Variants in ZNF235 observed in about 807,000 individuals in gnomAD.
ZNF235 encodes zfp-93.
A neutral mutation model predicts 29.4 loss-of-function variants in ZNF235; 25 were observed. That is an observed-to-expected ratio of 0.85 (90% CI 0.62 to 1.19). The LOEUF is 1.19. Ranked by LOEUF, ZNF235 falls within the 50% of genes most tolerant of loss-of-function variation. The pLI, the probability that ZNF235 is intolerant of heterozygous loss-of-function variation, is 0.00. For synonymous variants in ZNF235, 300 were observed against 295.3 expected (o/e 1.02, Z -0.16); for missense variants, 788 against 885.0 (o/e 0.89, Z 1.39).
At chr19:44,291,863 A>G (rs1301444356) in intron 4 of ZNF235, among the ~76,000 whole-genome samples, 1 of 152,146 alleles carries the variant, frequency 6.6e-6, no homozygotes, top group African/African-American at 2.4e-5. Context: ...ACTCTTCCAG[A>G]AAAATGAAAA....
At chr19:44,293,759 C>A (rs2123096889) in intron 4 of ZNF235, among the ~76,000 whole-genome samples, 1 of 152,004 alleles carries the variant, frequency 6.6e-6, no homozygotes, top group African/African-American at 2.4e-5. Context: ...GAAATCAATT[C>A]CAAGAAGAAC....
chr19:44,304,473 A>G (rs1037751605), intron 1 of ZNF235, among the ~76,000 whole-genome samples: 1 of 152,250 alleles, frequency 6.6e-6, no homozygotes, highest in Non-Finnish European at 1.5e-5. Context: ...TAGAGAAGGG[A>G]CAGCGGCTCC....
intron 1 of ZNF235, chr19:44,304,651 C>A: frequency 6.7e-6 from 6 of 895,518 alleles, no homozygotes; most frequent in South Asian, 5.1e-5. Context: ...AACGCACTAA[C>A]CCTTTACAGG....
At chr19:44,302,966 GTATATATGTATATATTTA>G (rs1380524085) in intron 2 of ZNF235, among the ~76,000 whole-genome samples, 79 of 98,054 alleles carry the variant, frequency 8.1e-4, no homozygotes, top group African/African-American at 4.5e-3. Flanking sequence ...AAATATATAC[GTATATATGTATATATTTA>G]TATATAAATA....
intron 4 of ZNF235, among the ~76,000 whole-genome samples, chr19:44,291,062 T>C (rs934568907): frequency 6.6e-6 from 1 of 152,212 alleles, no homozygotes; most frequent in African/African-American, 2.4e-5. Flanking sequence ...AGTTGACTAC[T>C]TGGTCTTTCT....
chr19:44,287,338 G>A lies in ZNF235; in HGVS notation c.2097C>T (p.His699=). The change falls in exon 5 of 5, where the codon CAC becomes CAT. Residue 699 remains histidine, a synonymous_variant. Transcript: ENST00000291182. ...CTCCAGTGTGGACTCTCTGGTGTGT[G>A]TGAAAATGTGAGGCCTGACTGAAGC... is the stretch of plus-strand genomic sequence containing the variant. The part of the protein sequence containing the change: ...GKGFSQASHF[H]THQRVHTGER... 2 of 1,613,338 alleles carry A rather than the reference G, an allele frequency of 1.2e-6. No individual in the cohort carries two copies. The highest frequency in any genetic ancestry group is 1.7e-6 in the Non-Finnish European group (2 of 1,179,708).
chr19:44,298,272 T>A (rs1203151157), intron 4 of ZNF235, among the ~76,000 whole-genome samples: 1 of 152,136 alleles, frequency 6.6e-6, no homozygotes, highest in Non-Finnish European at 1.5e-5. Context: ...ATGGTAAAGC[T>A]AGGTGAATAG....
intron 2 of ZNF235, among the ~76,000 whole-genome samples, chr19:44,303,081 AATACAT>A (rs1481876877): frequency 1.7e-5 from 2 of 120,210 alleles, no homozygotes; most frequent in Admixed American, 1.1e-4. Context: ...TTGTATATAT[AATACAT>A]ATATACAAAT....
chr19:44,302,945 TTTGTATATATAA>T (rs1302571593), intron 2 of ZNF235, among the ~76,000 whole-genome samples: 54 of 139,200 alleles, frequency 3.9e-4, no homozygotes, highest in African/African-American at 1.4e-3. Flanking sequence ...TATATACATA[TTTGTATATATAA>T]ATATATACGT....
intron 4 of ZNF235, among the ~76,000 whole-genome samples, chr19:44,294,457 C>T (rs1013101414): frequency 4.6e-5 from 7 of 151,952 alleles, no homozygotes; most frequent in African/African-American, 1.7e-4. Flanking sequence ...AAGCCCAGGA[C>T]CAGACAAAGG....
chr19:44,294,689 C>CA (rs2123097963), intron 4 of ZNF235, among the ~76,000 whole-genome samples: 1 of 151,396 alleles, frequency 6.6e-6, no homozygotes, highest in South Asian at 2.1e-4. Flanking sequence ...CAAATCCCCC[C>CA]ACAAAACCCC....
At chr19:44,299,870 G>T in intron 2 of ZNF235, 138 bp from the exon 3 acceptor site, 1 of 1,331,120 alleles carries the variant, frequency 7.5e-7, no homozygotes, top group Non-Finnish European at 1.1e-6. Context: ...AAAACACCTT[G>T]TACATGTAAC....
Position 44,288,736 on chromosome 19 carries a change from A to C in ZNF235, c.699T>G (p.Asp233Glu), listed in dbSNP as rs759428164. ...CACAATCACTATTGCTATGAACTTT[A>C]TCTCTTTTGTGCACTATATTATCAT... ...HHDDNIVHKR[D>E]KVHSNSDCGK... Residue 233 changes from aspartate to glutamate, a missense_variant, in exon 5 of 5, where the codon GAT becomes GAG. Asp to Glu is a conservative substitution (Grantham distance 45, BLOSUM62 2). Coordinates refer to ENST00000291182, the MANE Select transcript of ZNF235 (RefSeq NM_004234.4). The C allele has an allele frequency of 5.6e-6, 9 of 1,613,950 alleles. No homozygotes were observed. Among genetic ancestry groups the C allele is most frequent in the South Asian group, 5.5e-5 (5 of 91,086 alleles).
At chr19:44,294,360 T>C (rs906238039) in intron 4 of ZNF235, among the ~76,000 whole-genome samples, 3 of 151,984 alleles carry the variant, frequency 2.0e-5, no homozygotes, top group Non-Finnish European at 2.9e-5. Context: ...GCTCCCAAGA[T>C]TGAGCCAGGA....
Position 44,286,818 on chromosome 19 carries a change from T to G in ZNF235, c.*400A>C, listed in dbSNP as rs1020749917. 6 of 165,982 alleles carry G rather than the reference T, an allele frequency of 3.6e-5. No homozygotes were observed. Among genetic ancestry groups the G allele is most frequent in the Non-Finnish European group, 7.8e-5 (6 of 76,584 alleles). The allele number at this position is 165,982 out of a possible 1,614,324, so 10.3% of individuals were successfully genotyped here. The stretch of plus-strand genomic sequence containing the variant: ...CAAGCACAATTCTACATGGTAGAGA[T>G]AGAGTGGTGAAAAACACCTCCTTAC... On this transcript the variant is annotated 3_prime_UTR_variant, in exon 5 of 5. Coordinates refer to ENST00000291182, the MANE Select transcript of ZNF235 (RefSeq NM_004234.4).
chr19:44,289,181 T>C lies in ZNF235; in HGVS notation c.254A>G (p.Asn85Ser). ...TGCTTTGTGAAGAGTTGCCATCTCA[T>C]TTTGATTCCTGTCTCCTGAAAGGAT... Reference protein sequence around the residue: ...RGKHSGDRNQNEMATLHKAGL... With the variant: ...RGKHSGDRNQSEMATLHKAGL... Residue 85 changes from asparagine (N) to serine (S), a missense_variant, in exon 5 of 5, where the codon AAT becomes AGT. Asn to Ser is a conservative substitution (Grantham distance 46, BLOSUM62 1). Transcript: ENST00000291182. The C allele has an allele frequency of 6.2e-7, 1 of 1,612,244 alleles. No homozygotes were observed. The highest frequency in any genetic ancestry group is 8.5e-7 in the Non-Finnish European group (1 of 1,179,140).
chr19:44,298,975 T>C, intron 3 of ZNF235, 72 bp from the exon 4 acceptor site: 1 of 1,117,650 alleles, frequency 8.9e-7, no homozygotes. Context: ...TCCAATCACA[T>C]GATGTAAGTC....
At chr19:44,297,910 G>C (rs1157605822) in intron 4 of ZNF235, among the ~76,000 whole-genome samples, 3 of 152,094 alleles carry the variant, frequency 2.0e-5, no homozygotes, top group African/African-American at 7.2e-5. Flanking sequence ...CTTGAGTCCA[G>C]GAGTTCAAGA....
rs960566921 is a variant in ZNF235 at position 44,288,976 on chromosome 19, C to T, written c.459G>A (p.Val153=). 62 of 1,613,666 alleles carry T rather than the reference C, an allele frequency of 3.8e-5. No homozygotes were observed. The highest frequency in any genetic ancestry group is 5.3e-5 in the Non-Finnish European group (62 of 1,179,780). ...VGAGESIQAS[V]DDNCLVNHIG... ...TGTGATTCACTAGACAGTTGTCATC[C>T]ACAGAAGCTTGAATAGATTCTCCTG... The change falls in exon 5 of 5, where the codon GTG becomes GTA. Residue 153 remains valine (V), a synonymous_variant. Transcript: ENST00000291182.
Sources: allele counts gnomAD v4.1 joint callset (sites outside exome capture counted in the v4.1 genomes callset), GRCh38; gene constraint gnomAD v4.1.1; transcripts MANE v1.5; gene names NCBI Gene and HGNC (gene_info 2026-07-23, HGNC 2026-07-21).